The following VSX2 variants were observed in gnomAD, a reference collection of about 807,000 sequenced individuals.
VSX2 encodes ceh-10 homeo domain containing homolog.
VSX2 carries 28 observed loss-of-function variants against 32.1 expected under a neutral mutation model. The ratio of observed to expected loss-of-function variants is 0.87; its 90% CI spans 0.65 to 1.20. The LOEUF is 1.20. Among genes scored for constraint, VSX2 ranks in the 50% most tolerant of loss-of-function variants. VSX2 has a pLI of 0.00. For synonymous variants in VSX2, 243 were observed against 214.1 expected (o/e 1.14, Z -1.18); for missense variants, 506 against 488.7 (o/e 1.04, Z -0.33).
chr14:74,241,373 G>A (rs1476010392), intron 2 of VSX2, 107 bp downstream of exon 2: 3 of 1,258,438 alleles, frequency 2.4e-6, no homozygotes, highest in South Asian at 1.2e-5. Context: ...ACGGATCTGA[G>A]GTCCGAGGCC....
At chr14:74,254,822 C>T (rs2079252969) in intron 3 of VSX2, among the ~76,000 whole-genome samples, 2 of 97,930 alleles carry the variant, frequency 2.0e-5, no homozygotes, top group African/African-American at 8.2e-5. Flanking sequence ...CTCTGTCGCC[C>T]AGGCTCGAGT....
intron 3 of VSX2, among the ~76,000 whole-genome samples, chr14:74,249,588 C>T (rs2079216778): frequency 6.6e-6 from 1 of 152,148 alleles, no homozygotes; most frequent in Admixed American, 6.6e-5. Context: ...TTCATTTAAT[C>T]CGTAACAGAC....
intron 3 of VSX2, among the ~76,000 whole-genome samples, chr14:74,247,742 G>A (rs1164811395): frequency 1.3e-5 from 2 of 151,960 alleles, no homozygotes; most frequent in Non-Finnish European, 2.9e-5. Context: ...TTGAAGTCAG[G>A]CGGGGGACCT....
rs2079147776 is a variant in VSX2 at position 74,241,200 on chromosome 14, C to T, written c.389C>T (p.Ser130Phe). ...TTTTCAGATTCTGAAGATGTTTCCT[C>T]CAGCGATCGAAAAATGTCCAAATCT... ...TASSDSEDVSSSDRKMSKSAL... is the reference protein window; with the variant it reads ...TASSDSEDVSFSDRKMSKSAL... The change falls in exon 2 of 5, where the codon TCC becomes TTC. Residue 130 changes from serine (S) to phenylalanine (F), a missense_variant. Coordinates refer to ENST00000261980, the MANE Select transcript of VSX2 (RefSeq NM_182894.3). 1.2e-6 allele frequency: 2 copies of T among 1,613,370 alleles called. No homozygotes were observed. The highest frequency in any genetic ancestry group is 1.7e-6 in the Non-Finnish European group (2 of 1,179,996).
At chr14:74,251,710 G>T (rs985159849) in intron 3 of VSX2, among the ~76,000 whole-genome samples, 1 of 152,150 alleles carries the variant, frequency 6.6e-6, no homozygotes, top group African/African-American at 2.4e-5. Flanking sequence ...GGTCGGAGCT[G>T]CCCCCTAGTG....
chr14:74,261,208 T>C lies in VSX2; in HGVS notation c.*289T>C, dbSNP rs1167960753. ...CCTTCTCTCAATCCCTTTGCAACGC[T>C]CACTGGTTTTGGCCACCCCTTGCTC... On this transcript the variant is annotated 3_prime_UTR_variant, in exon 5 of 5. Transcript: ENST00000261980. 2.1e-5 allele frequency: 10 copies of C among 473,322 alleles called. No homozygotes were observed. The Admixed American group carries it at 3.3e-4, about 16-fold the overall frequency. The allele number at this position is 473,322 out of a possible 1,614,324, so 29.3% of individuals were successfully genotyped here. A position where few individuals can be genotyped will look rare whatever the true frequency, so the allele number is the denominator to read the frequency against.
At chr14:74,255,013 C>T (rs2079254710) in intron 3 of VSX2, among the ~76,000 whole-genome samples, 1 of 152,026 alleles carries the variant, frequency 6.6e-6, no homozygotes, top group African/African-American at 2.4e-5. Flanking sequence ...ATCTCCTGAC[C>T]TTGTGATCCA....
intron 3 of VSX2, among the ~76,000 whole-genome samples, chr14:74,245,539 A>T (rs1355845187): frequency 6.6e-6 from 1 of 152,090 alleles, no homozygotes; most frequent in Non-Finnish European, 1.5e-5. Context: ...TATGTCAGAC[A>T]GACCCTGCGG....
chr14:74,240,023 A>C, intron 1 of VSX2, 92 bp downstream of exon 1: 1 of 1,491,116 alleles, frequency 6.7e-7, no homozygotes, highest in South Asian at 1.3e-5. Flanking sequence ...CCAGGCCTCC[A>C]GGCGGAAAAG....
At chr14:74,240,387 T>G (rs1476179693) in intron 1 of VSX2, among the ~76,000 whole-genome samples, 2 of 152,082 alleles carry the variant, frequency 1.3e-5, no homozygotes, top group Middle Eastern at 3.4e-3. Context: ...GATTCCCAAA[T>G]CCCGCGCTGG....
At chr14:74,245,009 A>AGTGTGTGTGTGTGTGTGTGTGTGTGTGT (rs2079182542) in intron 2 of VSX2, among the ~76,000 whole-genome samples, 156 bp from the exon 3 acceptor site, 1 of 105,568 alleles carries the variant, frequency 9.5e-6, no homozygotes, top group African/African-American at 3.3e-5. Flanking sequence ...AGAGAGAGAC[A>AGTGTGTGTGTGTGTGTGTGTGTGTGTGT]GAGAGAGAGA....
chr14:74,253,048 C>CA (rs34396021), intron 3 of VSX2, among the ~76,000 whole-genome samples: 28,162 of 95,094 alleles, frequency 0.3, 4,268 homozygotes, highest in East Asian at 0.61. Context: ...GACTCCATCT[C>CA]AAAAAAAAAA....
At chr14:74,249,421 C>A (rs145025162) in intron 3 of VSX2, among the ~76,000 whole-genome samples, 1 of 152,140 alleles carries the variant, frequency 6.6e-6, no homozygotes, top group African/African-American at 2.4e-5. Flanking sequence ...CAGGTGCCCA[C>A]CACCATGCCT....
intron 1 of VSX2, among the ~76,000 whole-genome samples, chr14:74,240,304 G>C (rs990537743): frequency 2.0e-5 from 3 of 152,228 alleles, no homozygotes; most frequent in African/African-American, 7.2e-5. Context: ...GCCCCGGCCT[G>C]GTGTAGGATC....
chr14:74,259,562 C>T, intron 3 of VSX2, 40 bp from the exon 4 acceptor site: 2 of 1,613,280 alleles, frequency 1.2e-6, no homozygotes, highest in Non-Finnish European at 1.7e-6. Context: ...GGCCCAGCAC[C>T]TCTCAGAGCA....
At chr14:74,255,153 A>T (rs1296940983) in intron 3 of VSX2, among the ~76,000 whole-genome samples, 1 of 152,220 alleles carries the variant, frequency 6.6e-6, no homozygotes, top group Non-Finnish European at 1.5e-5. Context: ...GCCCAAAGTC[A>T]CACAGCAATT....
intron 3 of VSX2, 42 bp from the exon 4 acceptor site, chr14:74,259,560 A>G (rs1594758733): frequency 6.2e-7 from 1 of 1,612,850 alleles, no homozygotes; most frequent in African/African-American, 1.3e-5. Context: ...TGGGCCCAGC[A>G]CCTCTCAGAG....
rs972982833 is a variant in VSX2 at position 74,262,572 on chromosome 14, A to T, written c.*1653A>T. On this transcript the variant is annotated 3_prime_UTR_variant, in exon 5 of 5. Coordinates refer to ENST00000261980, the MANE Select transcript of VSX2 (RefSeq NM_182894.3). Reference sequence around the variant, plus strand: ...TGTCCCTGTTGGTTTGAAGTGTTAGACTATAGCCCCTGGTGTGTAAATAAT... The same window carrying T: ...TGTCCCTGTTGGTTTGAAGTGTTAGTCTATAGCCCCTGGTGTGTAAATAAT... The T allele has an allele frequency of 2.6e-5, 4 of 152,218 alleles. No homozygotes were observed. The highest frequency in any genetic ancestry group is 9.7e-5 in the African/African-American group (4 of 41,450). 9.4% of individuals were successfully genotyped at this position (152,218 alleles called of 1,614,324 possible). A position where few individuals can be genotyped will look rare whatever the true frequency, so the allele number is the denominator to read the frequency against.
chr14:74,254,368 G>A (rs1024537723), intron 3 of VSX2, among the ~76,000 whole-genome samples: 1 of 151,914 alleles, frequency 6.6e-6, no homozygotes, highest in African/African-American at 2.4e-5. Flanking sequence ...CCAAGATCAC[G>A]CCAGTGTACT....
Sources: allele counts gnomAD v4.1 joint callset (sites outside exome capture counted in the v4.1 genomes callset), GRCh38; gene constraint gnomAD v4.1.1; transcripts MANE v1.5; gene names NCBI Gene and HGNC (gene_info 2026-07-23, HGNC 2026-07-21).